ESRRB: variants seen among roughly 807,000 people sequenced by gnomAD.
The protein encoded by ESRRB is steroid hormone receptor ERR2.
Under a neutral mutation model 46.0 loss-of-function variants are expected in ESRRB, and 16 were observed. The observed-to-expected ratio is 0.35, with a 90% CI of 0.24 to 0.53. The LOEUF is 0.53. Among genes scored for constraint, ESRRB ranks in the 20% least tolerant of loss-of-function variants. The pLI is 0.93. For synonymous variants in ESRRB, 246 were observed against 259.6 expected (o/e 0.95, Z 0.50); for missense variants, 488 against 607.4 (o/e 0.80, Z 2.07).
intron 2 of ESRRB, among the ~76,000 whole-genome samples, chr14:76,456,939 A>G (rs531997981): frequency 6.6e-6 from 1 of 152,264 alleles, no homozygotes; most frequent in Admixed American, 6.5e-5. Flanking sequence ...GCCCTTTCAC[A>G]CCAGCTGAAT....
At chr14:76,445,243 G>A (rs1888085264) in intron 2 of ESRRB, among the ~76,000 whole-genome samples, 1 of 150,898 alleles carries the variant, frequency 6.6e-6, no homozygotes, top group Non-Finnish European at 1.5e-5. Flanking sequence ...GCCAAGGCAG[G>A]TGGATTACCT....
At chr14:76,343,486 G>A (rs1217862954) in intron 1 of ESRRB, among the ~76,000 whole-genome samples, 1 of 152,250 alleles carries the variant, frequency 6.6e-6, no homozygotes, top group East Asian at 1.9e-4. Flanking sequence ...CTTGGGGAGA[G>A]TGACTTGTCA....
intron 1 of ESRRB, among the ~76,000 whole-genome samples, chr14:76,353,712 G>A (rs181310736): frequency 8.2e-4 from 125 of 152,280 alleles, no homozygotes; most frequent in African/African-American, 3.0e-3. Flanking sequence ...AGCACTTCAG[G>A]AGGCCAAGGC....
intron 1 of ESRRB, among the ~76,000 whole-genome samples, chr14:76,390,739 C>T (rs1162158889): frequency 6.6e-6 from 1 of 152,142 alleles, no homozygotes; most frequent in East Asian, 1.9e-4. Context: ...ACTTGAGGAG[C>T]TAAGTGCGGG....
At chr14:76,355,196 C>T (rs1365256492) in intron 1 of ESRRB, among the ~76,000 whole-genome samples, 1 of 152,158 alleles carries the variant, frequency 6.6e-6, no homozygotes, top group East Asian at 1.9e-4. Flanking sequence ...GCGGTAGAGA[C>T]CCAAGTAGGG....
chr14:76,378,681 A>T (rs1884883233), intron 1 of ESRRB, among the ~76,000 whole-genome samples: 1 of 151,990 alleles, frequency 6.6e-6, no homozygotes, highest in South Asian at 2.1e-4. Context: ...CCGCCTAGGG[A>T]GGGTCTGCAT....
At chr14:76,311,042 A>G in intron 1 of ESRRB, 1 of 384,926 alleles carries the variant, frequency 2.6e-6, no homozygotes, top group Non-Finnish European at 5.1e-6. Flanking sequence ...ATATCTCCCC[A>G]TGCCTGTTCT....
At chr14:76,388,883 C>T (rs1253471127) in intron 1 of ESRRB, among the ~76,000 whole-genome samples, 5 of 152,192 alleles carry the variant, frequency 3.3e-5, no homozygotes, top group Non-Finnish European at 5.9e-5. Context: ...CTCTTATCGC[C>T]CATTCTCCAA....
intron 1 of ESRRB, among the ~76,000 whole-genome samples, chr14:76,381,893 G>A (rs889735360): frequency 9.9e-5 from 15 of 152,154 alleles, no homozygotes; most frequent in Admixed American, 2.6e-4. Context: ...CCAGACAAGT[G>A]GGGAACATGG....
At position 76,500,125 on chromosome 14, in the gene ESRRB, G is replaced by C. The variant is rs1890608700; in HGVS notation, c.*1667G>C. 3 of 1,435,204 alleles carry C rather than the reference G, an allele frequency of 2.1e-6. No individual in the cohort carries two copies. The highest frequency in any genetic ancestry group is 2.8e-6 in the Non-Finnish European group (3 of 1,053,656). The allele number at this position is 1,435,204 out of a possible 1,614,324, so 88.9% of individuals were successfully genotyped here. ...GTCCCACCTCCTTGGCTCTACCCCAGGAACCTCCCGGCCTGGGCTTCTGGG... is the reference window on the plus strand; with the variant it reads ...GTCCCACCTCCTTGGCTCTACCCCACGAACCTCCCGGCCTGGGCTTCTGGG... On this transcript the variant is annotated 3_prime_UTR_variant, in exon 7 of 7. Transcript: ENST00000644823.
intron 2 of ESRRB, among the ~76,000 whole-genome samples, chr14:76,460,135 T>C (rs1888790565): frequency 6.6e-6 from 1 of 152,160 alleles, no homozygotes; most frequent in Non-Finnish European, 1.5e-5. Flanking sequence ...GAAAATCCAA[T>C]AGAAAAGGTT....
intron 1 of ESRRB, among the ~76,000 whole-genome samples, chr14:76,319,011 G>A (rs1448284012): frequency 2.6e-5 from 4 of 152,196 alleles, no homozygotes; most frequent in African/African-American, 9.7e-5. Context: ...ATGACCAAGT[G>A]AGCATCCTTC....
intron 1 of ESRRB, among the ~76,000 whole-genome samples, chr14:76,359,339 A>G (rs1475148760): frequency 6.6e-6 from 1 of 152,260 alleles, no homozygotes. Flanking sequence ...TGCACAAATT[A>G]GAACTATTGG....
intron 3 of ESRRB, among the ~76,000 whole-genome samples, chr14:76,466,806 C>T (rs1257594442): frequency 6.6e-6 from 1 of 152,082 alleles, no homozygotes; most frequent in Non-Finnish European, 1.5e-5. Context: ...TCACCACACC[C>T]TCCACCTCCC....
chr14:76,383,008 A>G (rs2139804021), intron 1 of ESRRB, among the ~76,000 whole-genome samples: 1 of 152,168 alleles, frequency 6.6e-6, no homozygotes, highest in Admixed American at 6.5e-5. Context: ...AGTTAAACAA[A>G]CTCCAACAAG....
At chr14:76,310,978 TTC>T (rs68079657) in intron 1 of ESRRB, 28,725 of 356,612 alleles carry the variant, frequency 0.081, 406 homozygotes, top group Non-Finnish European at 0.1. Context: ...TCTGTCCCCT[TTC>T]TCTCTCTCTC....
intron 1 of ESRRB, among the ~76,000 whole-genome samples, chr14:76,334,394 G>A (rs974110201): frequency 6.6e-6 from 1 of 152,126 alleles, no homozygotes; most frequent in Non-Finnish European, 1.5e-5. Flanking sequence ...CTGGGCGGAG[G>A]GCCCAGTGTA....
At chr14:76,412,071 G>C (rs1886467785) in intron 1 of ESRRB, among the ~76,000 whole-genome samples, 1 of 152,094 alleles carries the variant, frequency 6.6e-6, no homozygotes. Context: ...TTTCTGTAAA[G>C]TGAGTCCATT....
chr14:76,439,814 T>C lies in ESRRB; in HGVS notation c.460+64T>C, dbSNP rs12432875. The C allele has an allele frequency of 0.39, 609,604 of 1,561,624 alleles. 127,580 individuals are homozygous for C. Among genetic ancestry groups the C allele is most frequent in the African/African-American group, 0.8 (59,179 of 73,894 alleles). ...GGGGTGGCAGCCGTGCCTGCGGGTC[T>C]GGCAGAAGCCCTAGGAATTCCCAGA... On this transcript the variant is annotated intron_variant, in intron 2 of 6. Transcript: ENST00000644823.
Sources: gnomAD v4.1 joint callset for allele counts (sites outside exome capture counted in the v4.1 genomes callset) on GRCh38, gnomAD v4.1.1 for gene constraint, MANE v1.5 for transcripts, NCBI Gene and HGNC (gene_info 2026-07-23, HGNC 2026-07-21) for gene names.